The following EHBP1 variants were observed in gnomAD, a reference collection of about 807,000 sequenced individuals.
The protein encoded by EHBP1 is EH domain-binding protein 1.
A neutral mutation model predicts 144.0 loss-of-function variants in EHBP1; 55 were observed. The observed-to-expected ratio is 0.38, with a 90% CI of 0.31 to 0.48. The LOEUF (loss-of-function observed/expected upper bound fraction) is 0.48, where lower values mean the gene tolerates loss of function less well. Among genes scored for constraint, EHBP1 ranks in the 20% least tolerant of loss-of-function variants. EHBP1 has a pLI of 0.98. For missense variants in EHBP1, 1,200 were observed against 1,364.2 expected (o/e 0.88, Z 1.90); for synonymous variants, 469 against 472.7 (o/e 0.99, Z 0.10).
intron 10 of EHBP1, among the ~76,000 whole-genome samples, chr2:62,915,670 A>G (rs1161935806): frequency 1.3e-5 from 2 of 151,966 alleles, no homozygotes; most frequent in East Asian, 1.9e-4. Context: ...TGGTATCAAA[A>G]TGATTAAAAA....
intron 9 of EHBP1, 99 bp from the exon 10 acceptor site, chr2:62,874,246 TG>T: frequency 1.1e-6 from 1 of 938,398 alleles, no homozygotes; most frequent in Non-Finnish European, 1.5e-6. Context: ...GGGTTTTATT[TG>T]AAAAAAGAAA....
At chr2:62,874,650 C>A in intron 10 of EHBP1, 118 bp downstream of exon 10, 2 of 858,224 alleles carry the variant, frequency 2.3e-6, no homozygotes, top group Non-Finnish European at 1.8e-6. Flanking sequence ...AAATAATATC[C>A]AAGACAATCT....
chr2:62,841,831 C>T (rs1013638704), intron 7 of EHBP1, among the ~76,000 whole-genome samples: 2 of 151,640 alleles, frequency 1.3e-5, no homozygotes, highest in African/African-American at 2.4e-5. Context: ...GGTGTCTTTC[C>T]CCTAGTACTA....
chr2:62,929,316 A>G (rs1381281494), intron 10 of EHBP1, among the ~76,000 whole-genome samples: 16 of 152,322 alleles, frequency 1.1e-4, no homozygotes. Context: ...TGAACTTTGC[A>G]AAAAATCCTC....
chr2:62,981,405 C>T (rs1428779143), intron 15 of EHBP1, among the ~76,000 whole-genome samples: 1 of 152,174 alleles, frequency 6.6e-6, no homozygotes, highest in Non-Finnish European at 1.5e-5. Flanking sequence ...CTTCCTGTGG[C>T]ATCATAAAGC....
chr2:62,691,622 T>C (rs1214794893), intron 1 of EHBP1, among the ~76,000 whole-genome samples: 2 of 152,174 alleles, frequency 1.3e-5, no homozygotes, highest in African/African-American at 4.8e-5. Context: ...CTCCTAAATT[T>C]TCCCCTCAAC....
intron 3 of EHBP1, among the ~76,000 whole-genome samples, chr2:62,751,213 A>G (rs570184485): frequency 1.2e-4 from 19 of 152,314 alleles, no homozygotes; most frequent in African/African-American, 3.6e-4. Flanking sequence ...AATTTTGTCG[A>G]AGGCCTTTTC....
At chr2:62,867,993 C>T (rs1323168110) in intron 9 of EHBP1, among the ~76,000 whole-genome samples, 1 of 151,832 alleles carries the variant, frequency 6.6e-6, no homozygotes, top group African/African-American at 2.4e-5. Flanking sequence ...TATGCCCCTC[C>T]TCAACAAAAA....
intron 15 of EHBP1, among the ~76,000 whole-genome samples, chr2:62,987,489 CAAAT>C (rs1486941579): frequency 2.0e-5 from 3 of 152,148 alleles, no homozygotes; most frequent in East Asian, 1.9e-4. Context: ...ATGAAAATGA[CAAAT>C]ATATATATGA....
intron 1 of EHBP1, among the ~76,000 whole-genome samples, chr2:62,675,759 G>GTTA (rs749925398): frequency 6.6e-6 from 1 of 152,156 alleles, no homozygotes; most frequent in Non-Finnish European, 1.5e-5. Flanking sequence ...AAATTGTCTG[G>GTTA]TTATTATTAT....
intron 14 of EHBP1, among the ~76,000 whole-genome samples, chr2:62,976,137 C>G (rs866257274): frequency 3.1e-4 from 47 of 152,210 alleles, no homozygotes; most frequent in South Asian, 6.2e-4. Flanking sequence ...TTCCTTGATT[C>G]AGTGTGTGAC....
At chr2:62,875,445 T>G (rs2050814963) in intron 10 of EHBP1, among the ~76,000 whole-genome samples, 1 of 152,094 alleles carries the variant, frequency 6.6e-6, no homozygotes, top group Non-Finnish European at 1.5e-5. Flanking sequence ...TATACCATAG[T>G]CAAACCTTCA....
chr2:62,970,668 AC>A (rs942944103), intron 14 of EHBP1, among the ~76,000 whole-genome samples: 2 of 151,894 alleles, frequency 1.3e-5, no homozygotes, highest in African/African-American at 4.8e-5. Context: ...TGTAAAAAGG[AC>A]CCCCCATGGC....
At position 63,028,209 on chromosome 2, in the gene EHBP1, C is replaced by T. The variant is rs753420598; in HGVS notation, c.3104-9326C>T. ...ATGTTTACCTATTTCAAAACATGGA[C>T]ATGATAAATATATACGCTTTTTGTC... On this transcript the variant is annotated intron_variant, in intron 19 of 22. Coordinates refer to ENST00000431489, the MANE Select transcript of EHBP1 (RefSeq NM_001142616.3). Among the ~76,000 whole-genome samples the T allele has an allele frequency of 3.9e-5, 6 of 152,046 alleles. No homozygotes were observed. In the East Asian group the frequency reaches 1.2e-3, roughly 29 times the overall value.
rs921376662 is a variant in EHBP1 at position 62,996,721 on chromosome 2, C to T, written c.3058C>T (p.Arg1020Cys). The T allele has an allele frequency of 9.3e-6, 15 of 1,612,888 alleles. No homozygotes were observed. The highest frequency in any genetic ancestry group is 1.3e-5 in the African/African-American group (1 of 74,804). The part of the protein sequence containing the change: ...LENEQKQIDT[R>C]AALVEKRLRY... ...GAATGAGCAAAAGCAAATTGACACC[C>T]GTGCCGCGCTGGTGGAGAAGCGCCT... Residue 1020 changes from arginine to cysteine, a missense_variant, in exon 19 of 23, where the codon CGT becomes TGT. This residue lies in a region of EHBP1 where 149 missense variants were observed against 217.0 expected (regional missense o/e 0.69). Transcript: ENST00000431489.
chr2:62,727,849 CTG>C (rs2036987682), intron 2 of EHBP1, among the ~76,000 whole-genome samples: 1 of 152,092 alleles, frequency 6.6e-6, no homozygotes, highest in African/African-American at 2.4e-5. Context: ...CCAGACAAGG[CTG>C]TTATTTTGGG....
At chr2:62,797,601 A>G (rs2043631684) in intron 5 of EHBP1, among the ~76,000 whole-genome samples, 2 of 152,334 alleles carry the variant, frequency 1.3e-5, no homozygotes, top group East Asian at 3.9e-4. Context: ...ACTTCAACAC[A>G]ACCTTTTTTA....
At chr2:62,933,425 A>G (rs2056157187) in intron 10 of EHBP1, among the ~76,000 whole-genome samples, 1 of 152,210 alleles carries the variant, frequency 6.6e-6, no homozygotes, top group African/African-American at 2.4e-5. Flanking sequence ...TACTACACCA[A>G]AACTCACAAA....
At chr2:62,862,035 A>G (rs1327583844) in intron 8 of EHBP1, among the ~76,000 whole-genome samples, 3 of 152,190 alleles carry the variant, frequency 2.0e-5, no homozygotes, top group African/African-American at 7.2e-5. Context: ...GAGAAAAGAA[A>G]ATGCTTAATT....
Sources: allele counts gnomAD v4.1 joint callset (sites outside exome capture counted in the v4.1 genomes callset), GRCh38; gene constraint gnomAD v4.1.1; regional missense constraint gnomAD v4.1.1; transcripts MANE v1.5; gene names NCBI Gene and HGNC (gene_info 2026-07-23, HGNC 2026-07-21).